Variants in ALK observed in about 807,000 individuals in gnomAD.
ALK encodes the protein ALK receptor tyrosine kinase, also known as ALK tyrosine kinase receptor.
A neutral mutation model predicts 163.1 loss-of-function variants in ALK; 74 were observed. The observed-to-expected ratio is 0.45, with a 90% CI of 0.38 to 0.55. The LOEUF (loss-of-function observed/expected upper bound fraction) is 0.55, where lower values mean the gene tolerates loss of function less well. ALK is among the 20% of genes least tolerant of loss of function. The probability of loss-of-function intolerance (pLI) is 0.00; values close to 1 mark genes in which losing one functional copy is unlikely to be tolerated. For missense variants in ALK, 2,063 were observed against 2,105.3 expected (o/e 0.98, Z 0.39); for synonymous variants, 960 against 843.2 (o/e 1.14, Z -2.40).
chr2:29,276,484 T>C (rs188660883), intron 9 of ALK, among the ~76,000 whole-genome samples: 195 of 152,198 alleles, frequency 1.3e-3, no homozygotes, highest in Middle Eastern at 6.8e-3. Context: ...CTGAGAACCT[T>C]AAAATCCTTT....
At chr2:29,197,903 TGAG>T in intron 26 of ALK, among the ~76,000 whole-genome samples, 1 of 152,228 alleles carries the variant, frequency 6.6e-6, no homozygotes, top group African/African-American at 2.4e-5. Flanking sequence ...GTTTCTGTGC[TGAG>T]ATTTTTTTTC....
chr2:29,655,801 C>G (rs539747627), intron 3 of ALK, among the ~76,000 whole-genome samples: 3 of 152,312 alleles, frequency 2.0e-5, no homozygotes, highest in South Asian at 2.1e-4. Flanking sequence ...ATGTGTTTCT[C>G]TTTTCTGAAG....
chr2:29,290,770 C>T (rs1425328633), intron 9 of ALK, among the ~76,000 whole-genome samples: 1 of 152,152 alleles, frequency 6.6e-6, no homozygotes, highest in Non-Finnish European at 1.5e-5. Context: ...AGACTGTGCT[C>T]CAGTGCTGGG....
At chr2:29,893,028 C>A (rs540490388) in intron 1 of ALK, among the ~76,000 whole-genome samples, 1 of 152,158 alleles carries the variant, frequency 6.6e-6, no homozygotes, top group East Asian at 1.9e-4. Context: ...TACTGCCTTG[C>A]GCTGGCCATA....
At chr2:29,325,518 G>A (rs748323525) in intron 6 of ALK, among the ~76,000 whole-genome samples, 3 of 152,184 alleles carry the variant, frequency 2.0e-5, no homozygotes, top group African/African-American at 4.8e-5. Flanking sequence ...AGAGAAAGGC[G>A]GTAGCAGGGC....
intron 3 of ALK, among the ~76,000 whole-genome samples, chr2:29,550,213 C>G (rs1409276799): frequency 5.3e-5 from 8 of 152,158 alleles, no homozygotes; most frequent in Admixed American, 3.3e-4. Context: ...TTGCAACAAC[C>G]CTGTAAGGTA....
chr2:29,902,644 A>G (rs1353161338), intron 1 of ALK, among the ~76,000 whole-genome samples: 1 of 152,216 alleles, frequency 6.6e-6, no homozygotes, highest in Non-Finnish European at 1.5e-5. Flanking sequence ...AGGGCCCAGT[A>G]GAGCATGAGG....
intron 19 of ALK, among the ~76,000 whole-genome samples, chr2:29,224,918 C>T (rs1382675398): frequency 6.6e-6 from 1 of 152,372 alleles, no homozygotes; most frequent in East Asian, 1.9e-4. Context: ...GGGCATGTCT[C>T]TGCCAGCAGT....
intron 9 of ALK, among the ~76,000 whole-genome samples, chr2:29,293,582 A>G (rs1666097679): frequency 6.6e-6 from 1 of 152,206 alleles, no homozygotes; most frequent in Non-Finnish European, 1.5e-5. Flanking sequence ...GTAAAGGCAG[A>G]ACATTAAGTT....
At chr2:29,394,301 A>G (rs1669249057) in intron 4 of ALK, among the ~76,000 whole-genome samples, 1 of 150,300 alleles carries the variant, frequency 6.7e-6, no homozygotes, top group African/African-American at 2.4e-5. Context: ...AGGAAAAAAC[A>G]CTGATTATCC....
intron 1 of ALK, among the ~76,000 whole-genome samples, chr2:29,889,247 A>G (rs1178948977): frequency 3.5e-5 from 2 of 57,784 alleles, no homozygotes; most frequent in Non-Finnish European, 8.5e-5. Context: ...GGAAAAATAT[A>G]TATACACATA....
rs552594718 is a variant in ALK at position 29,227,706 on chromosome 2, G to C, written c.2816-34C>G. 51 of 1,575,046 alleles carry C rather than the reference G, an allele frequency of 3.2e-5. No individual in the cohort carries two copies. Among genetic ancestry groups the C allele is most frequent in the Non-Finnish European group, 4.1e-5 (47 of 1,145,416 alleles). ...CAAACCAGAGCAGAGTTTAACATGG[G>C]GGGTGGGTGCCAAAATCTTAACACA... On this transcript the variant is annotated intron_variant, in intron 16 of 28. Transcript: ENST00000389048. This position sits in a 1 kb window ranked among gnomAD's most constrained non-coding sequence, Gnocchi z 4.4.
At chr2:29,504,048 T>G (rs889856784) in intron 4 of ALK, among the ~76,000 whole-genome samples, 33 of 152,024 alleles carry the variant, frequency 2.2e-4, no homozygotes, top group African/African-American at 7.7e-4. Flanking sequence ...TTACCAGTTG[T>G]TGGTGGTGCT....
chr2:29,526,997 T>A (rs1489705675), intron 4 of ALK, among the ~76,000 whole-genome samples: 1 of 151,734 alleles, frequency 6.6e-6, no homozygotes, highest in Non-Finnish European at 1.5e-5. Flanking sequence ...GGAGCAGGAG[T>A]CTGGGGTGGG....
At chr2:29,468,027 C>T (rs1671254925) in intron 4 of ALK, among the ~76,000 whole-genome samples, 2 of 150,006 alleles carry the variant, frequency 1.3e-5, no homozygotes, top group South Asian at 2.2e-4. Flanking sequence ...CTTTGGGGTC[C>T]TCAATAATTT....
chr2:29,326,784 C>A (rs976461055), intron 6 of ALK, among the ~76,000 whole-genome samples: 2 of 152,152 alleles, frequency 1.3e-5, no homozygotes, highest in African/African-American at 2.4e-5. Context: ...ATAAATGAAA[C>A]CTTCTCCACC....
chr2:29,582,424 T>A (rs1183972919), intron 3 of ALK, among the ~76,000 whole-genome samples: 1 of 152,164 alleles, frequency 6.6e-6, no homozygotes, highest in African/African-American at 2.4e-5. Context: ...ATAGGACCAG[T>A]CTGATAATTG....
chr2:29,620,016 T>C (rs980161084), intron 3 of ALK, among the ~76,000 whole-genome samples: 14 of 152,234 alleles, frequency 9.2e-5, no homozygotes, highest in African/African-American at 3.1e-4. Context: ...GGTTCATTAC[T>C]TGGCTCTCCA....
intron 1 of ALK, among the ~76,000 whole-genome samples, chr2:29,874,173 A>C (rs778748684): frequency 5.3e-5 from 8 of 152,160 alleles, no homozygotes; most frequent in Non-Finnish European, 1.2e-4. Flanking sequence ...TGTTGGTATG[A>C]CTGTTCTTGT....
Sources: allele counts gnomAD v4.1 joint callset (sites outside exome capture counted in the v4.1 genomes callset), GRCh38; gene constraint gnomAD v4.1.1; non-coding constraint Gnocchi (gnomAD v3.1); transcripts MANE v1.5; gene names NCBI Gene and HGNC (gene_info 2026-07-23, HGNC 2026-07-21).